Variants in KAZN observed in about 807,000 individuals in gnomAD.
KAZN encodes kazrin, periplakin interacting protein.
A neutral mutation model predicts 87.4 loss-of-function variants in KAZN; 40 were observed. The observed-to-expected ratio is 0.46, with a 90% CI of 0.36 to 0.60. The LOEUF is 0.60. KAZN is among the 20% of genes least tolerant of loss of function. The pLI, the probability that KAZN is intolerant of heterozygous loss-of-function variation, is 0.00. For missense variants in KAZN, 898 were observed against 1,073.9 expected (o/e 0.84, Z 2.29); for synonymous variants, 466 against 458.3 (o/e 1.02, Z -0.22).
chr1:14,641,061 A>G (rs1680374049), intron 1 of KAZN, among the ~76,000 whole-genome samples: 1 of 152,194 alleles, frequency 6.6e-6, no homozygotes, highest in Admixed American at 6.5e-5. Context: ...CAACAGTCCC[A>G]GCAGAAGTCC....
chr1:14,825,673 G>T (rs771948558), intron 1 of KAZN, among the ~76,000 whole-genome samples: 9 of 152,080 alleles, frequency 5.9e-5, no homozygotes, highest in Non-Finnish European at 1.0e-4. Flanking sequence ...TGGAACCCAG[G>T]CCTTCCACCT....
chr1:14,039,800 C>A (rs962434406), intron 1 of KAZN, among the ~76,000 whole-genome samples: 1 of 152,160 alleles, frequency 6.6e-6, no homozygotes, highest in Non-Finnish European at 1.5e-5. Flanking sequence ...AGCCCTCTTC[C>A]ACAGGGGAAA....
chr1:14,659,490 CAA>C (rs1235206303), intron 1 of KAZN, among the ~76,000 whole-genome samples: 1 of 152,078 alleles, frequency 6.6e-6, no homozygotes, highest in African/African-American at 2.4e-5. Flanking sequence ...CCTTTAAGTC[CAA>C]AGAGTTCCTT....
chr1:14,226,862 CA>C (rs35618949), intron 2 of KAZN, among the ~76,000 whole-genome samples: 144,632 of 152,122 alleles, frequency 0.95, 68,807 homozygotes, highest in East Asian at 1. Context: ...CGCATGGACA[CA>C]AAAAAAGGGA....
chr1:14,597,425 A>T (rs903804672), upstream of KAZN, among the ~76,000 whole-genome samples: 1 of 152,102 alleles, frequency 6.6e-6, no homozygotes, highest in Non-Finnish European at 1.5e-5. Context: ...TTGCAATCAG[A>T]TGATTACTTT....
At chr1:14,904,146 G>T (rs991735818) in intron 1 of KAZN, among the ~76,000 whole-genome samples, 7 of 152,098 alleles carry the variant, frequency 4.6e-5, no homozygotes, top group Admixed American at 4.6e-4. Flanking sequence ...CTTCCTAGTT[G>T]TATGGCCTGT....
At chr1:14,316,041 C>T (rs1033511782) in intron 2 of KAZN, among the ~76,000 whole-genome samples, 4 of 152,126 alleles carry the variant, frequency 2.6e-5, no homozygotes, top group East Asian at 1.9e-4. Context: ...CCCGTAGCTC[C>T]GCATCTGCAC....
At chr1:14,021,124 G>A (rs1043361249) in intron 1 of KAZN, among the ~76,000 whole-genome samples, 1 of 152,130 alleles carries the variant, frequency 6.6e-6, no homozygotes, top group African/African-American at 2.4e-5. Flanking sequence ...TCTGGTATGT[G>A]GGAGTTGTTC....
intron 2 of KAZN, among the ~76,000 whole-genome samples, chr1:14,308,974 G>A: frequency 6.6e-6 from 1 of 152,190 alleles, no homozygotes; most frequent in East Asian, 1.9e-4. Context: ...TGTTTAACAA[G>A]AATTAATGAA....
At chr1:15,074,676 C>T (rs761343157) in intron 8 of KAZN, among the ~76,000 whole-genome samples, 1 of 152,114 alleles carries the variant, frequency 6.6e-6, no homozygotes, top group Non-Finnish European at 1.5e-5. Context: ...TTACAGTTCA[C>T]GACACTCTTT....
intron 2 of KAZN, among the ~76,000 whole-genome samples, chr1:14,485,455 C>G (rs1374403356): frequency 6.6e-6 from 1 of 152,218 alleles, no homozygotes; most frequent in Non-Finnish European, 1.5e-5. Context: ...AAGCAGCTTT[C>G]AATCAGGCCC....
chr1:14,363,833 C>T (rs913144613), intron 2 of KAZN, among the ~76,000 whole-genome samples: 2 of 152,060 alleles, frequency 1.3e-5, no homozygotes, highest in Non-Finnish European at 1.5e-5. Context: ...TAGTGTCCTA[C>T]AAAAAAGGGT....
At chr1:14,813,632 T>C (rs1572551456) in intron 1 of KAZN, among the ~76,000 whole-genome samples, 1 of 152,362 alleles carries the variant, frequency 6.6e-6, no homozygotes, top group African/African-American at 2.4e-5. Flanking sequence ...ATTGTTATTT[T>C]AAGACTAATA....
chr1:14,569,138 T>G (rs980268986), intron 2 of KAZN, among the ~76,000 whole-genome samples: 1 of 151,168 alleles, frequency 6.6e-6, no homozygotes, highest in African/African-American at 2.4e-5. Flanking sequence ...TTGTGTGAGG[T>G]TTTTTTTTCT....
chr1:14,241,846 A>G (rs1318320392), intron 2 of KAZN, among the ~76,000 whole-genome samples: 1 of 152,248 alleles, frequency 6.6e-6, no homozygotes, highest in East Asian at 1.9e-4. Context: ...TCTCTTAAAA[A>G]AATTCCAACT....
intron 2 of KAZN, among the ~76,000 whole-genome samples, chr1:14,427,194 G>A (rs1665779177): frequency 6.6e-6 from 1 of 152,192 alleles, no homozygotes; most frequent in Admixed American, 6.5e-5. Flanking sequence ...TCAAATGTCT[G>A]CAGGTGTCCT....
intron 2 of KAZN, among the ~76,000 whole-genome samples, chr1:14,593,030 T>C (rs1255415261): frequency 6.6e-6 from 1 of 152,118 alleles, no homozygotes; most frequent in African/African-American, 2.4e-5. Context: ...ACTGAAGGGA[T>C]AAGAGGTGGA....
chr1:15,096,737 G>T lies in KAZN; in HGVS notation c.1547+1804G>T, dbSNP rs1364053897. On this transcript the variant is annotated intron_variant, in intron 10 of 14. Transcript: ENST00000376030. This position sits in a 1 kb window ranked among gnomAD's most constrained non-coding sequence, Gnocchi z 4.5. ...CACATGGGGAAGAAGGAAGAGGGAG[G>T]GGGAGAGAGTGATGTCTCTGGTCTC... Among the ~76,000 whole-genome samples, 1 of 152,184 alleles carries T rather than the reference G, an allele frequency of 6.6e-6. No individual in the cohort carries two copies. Among genetic ancestry groups the T allele is most frequent in the African/African-American group, 2.4e-5 (1 of 41,430 alleles).
intron 1 of KAZN, among the ~76,000 whole-genome samples, chr1:14,093,023 G>A (rs72862514): frequency 0.027 from 4,032 of 152,028 alleles, 180 homozygotes; most frequent in African/African-American, 0.092. Flanking sequence ...TCTTATTCTC[G>A]TACTCTGTTA....
Sources: gnomAD v4.1 joint callset for allele counts (sites outside exome capture counted in the v4.1 genomes callset) on GRCh38, gnomAD v4.1.1 for gene constraint, Gnocchi (gnomAD v3.1) non-coding constraint, MANE v1.5 for transcripts, NCBI Gene and HGNC (gene_info 2026-07-23, HGNC 2026-07-21) for gene names.